Variants in TFAP4 observed in about 807,000 individuals in gnomAD.
TFAP4 encodes activating enhancer-binding protein 4.
A neutral mutation model predicts 40.4 loss-of-function variants in TFAP4; 7 were observed. The ratio of observed to expected loss-of-function variants is 0.17; its 90% CI spans 0.10 to 0.33. TFAP4 has a LOEUF of 0.33. Ranked by LOEUF, TFAP4 falls within the 10% of genes least tolerant of loss-of-function variation. TFAP4 has a pLI of 1.00. For synonymous variants in TFAP4, 218 were observed against 181.4 expected, an observed-to-expected ratio of 1.20 and a Z score of -1.62; for missense variants, 374 against 451.1, an observed-to-expected ratio of 0.83 and a Z score of 1.55.
chr16:4,267,323 C>G (rs1489311346), intron 1 of TFAP4: 1 of 152,382 alleles, frequency 6.6e-6, no homozygotes, highest in Non-Finnish European at 1.5e-5. Context: ...CATGAGCCAC[C>G]ATGCCCAGCC....
intron 1 of TFAP4, among the ~76,000 whole-genome samples, chr16:4,270,750 G>C (rs1250353926): frequency 6.6e-6 from 1 of 152,180 alleles, no homozygotes; most frequent in East Asian, 1.9e-4. Flanking sequence ...CCAAGGCCCA[G>C]GCATGGCAGC....
At chr16:4,261,212 T>A (rs1168242419) in intron 4 of TFAP4, among the ~76,000 whole-genome samples, 1 of 151,842 alleles carries the variant, frequency 6.6e-6, no homozygotes, top group Non-Finnish European at 1.5e-5. Flanking sequence ...GCTCAAGCGA[T>A]CCTCCCACCT....
At chr16:4,259,115 T>C (rs1238560811) in intron 6 of TFAP4, among the ~76,000 whole-genome samples, 1 of 151,814 alleles carries the variant, frequency 6.6e-6, no homozygotes, top group African/African-American at 2.4e-5. Context: ...AAAGAAATAA[T>C]ATGGACCTTT....
intron 4 of TFAP4, among the ~76,000 whole-genome samples, chr16:4,261,014 G>C (rs938992519): frequency 5.9e-5 from 9 of 152,090 alleles, no homozygotes; most frequent in African/African-American, 1.9e-4. Flanking sequence ...TGTCACTCAG[G>C]CTGCAGTGTA....
chr16:4,262,090 G>C (rs2052955035), intron 3 of TFAP4, 141 bp from the exon 4 acceptor site: 1 of 1,008,302 alleles, frequency 9.9e-7, no homozygotes, highest in African/African-American at 1.6e-5. Context: ...CAACAAACCA[G>C]CCAAATGCCA....
chr16:4,268,172 G>C (rs2053012715), intron 1 of TFAP4: 1 of 152,296 alleles, frequency 6.6e-6, no homozygotes, highest in Non-Finnish European at 1.5e-5. Context: ...GCTCATGCCT[G>C]TAATCCCAGC....
chr16:4,266,391 C>T (rs1220352173), intron 1 of TFAP4: 1 of 152,162 alleles, frequency 6.6e-6, no homozygotes, highest in Admixed American at 6.5e-5. Context: ...AATTTCCCCC[C>T]AAAAGGTACA....
chr16:4,259,643 C>CAACT (rs1007081236), intron 6 of TFAP4, among the ~76,000 whole-genome samples: 1 of 152,078 alleles, frequency 6.6e-6, no homozygotes, highest in Non-Finnish European at 1.5e-5. Flanking sequence ...AGGGTGAATG[C>CAACT]AACTGTAACT....
chr16:4,260,176 G>A lies in TFAP4; in HGVS notation c.736C>T (p.His246Tyr). The A allele has an allele frequency of 6.3e-7, 1 of 1,599,330 alleles. No homozygotes were observed. Among genetic ancestry groups the A allele is most frequent in the Non-Finnish European group, 8.5e-7 (1 of 1,175,108 alleles). ...CCCATGGTGACGACATTGATGTGGT[G>A]GGAGGGAGGAGGAGGCGGTGCTGGC... ...IVPAPPPPPS[H>Y]HINVVTMGPS... is the part of the protein sequence containing the mutation. Residue 246 changes from histidine to tyrosine, a missense_variant, in exon 6 of 7, where the codon CAC (histidine) becomes TAC (tyrosine). By Grantham distance (83) the His-to-Tyr change is moderately conservative. Around this residue, in one of 6 missense-constraint regions of TFAP4, gnomAD observed 161 missense variants for 154.2 expected, o/e 1.04. Coordinates refer to ENST00000204517, the MANE Select transcript of TFAP4 (RefSeq NM_003223.3).
In TFAP4 at chr16:4,272,685, T is replaced by G. The variant is rs1443309296; in HGVS notation, c.62A>C (p.Glu21Ala). ...VPSLQHFRKT[E>A]KEVIGGLCSL... ...ACAGAGCCCTCCTATCACTTCTTTC[T>G]CTGTTTTCCTGAAATGTTGCAAAGA... Residue 21 changes from glutamate to alanine, a missense_variant, in exon 1 of 7, where the codon GAG becomes GCG. Coordinates refer to ENST00000204517, the MANE Select transcript of TFAP4 (RefSeq NM_003223.3). 1 of 1,613,156 alleles carries G rather than the reference T, an allele frequency of 6.2e-7. No homozygotes were observed. Among genetic ancestry groups the G allele is most frequent in the African/African-American group, 1.3e-5 (1 of 74,822 alleles).
Position 4,260,595 on chromosome 16 carries a change from C to T in TFAP4, c.526G>A (p.Val176Met), listed in dbSNP as rs776312696. ...TACATGTGGGCCTCCAGCGAGCGCA[C>T]CTGGAGGCAGGACAACCTGGGCTCA... Reference protein sequence around the residue: ...RSVRMMLEEQVRSLEAHMYPE... With the variant: ...RSVRMMLEEQMRSLEAHMYPE... The change falls in exon 5 of 7, where the codon GTG becomes ATG. Residue 176 changes from valine to methionine, a missense_variant and splice_region_variant. Val to Met is a conservative substitution (Grantham distance 21). This residue lies in a region of TFAP4 where 161 missense variants were observed against 154.2 expected (regional missense o/e 1.04). Transcript: ENST00000204517. 6.3e-7 allele frequency: 1 copy of T among 1,595,160 alleles called. No individual in the cohort carries two copies. The highest frequency in any genetic ancestry group is 1.1e-5 in the South Asian group (1 of 88,898).
chr16:4,271,410 C>T (rs74003268), intron 1 of TFAP4, among the ~76,000 whole-genome samples: 2,386 of 152,336 alleles, frequency 0.016, 71 homozygotes, highest in African/African-American at 0.055. Context: ...AGGAAAGGGG[C>T]CACAGGTCCC....
intron 2 of TFAP4, 42 bp from the exon 3 acceptor site, chr16:4,262,464 A>T (rs769956250): frequency 6.2e-7 from 1 of 1,613,750 alleles, no homozygotes; most frequent in Non-Finnish European, 8.5e-7. Context: ...GGCAGTGTTT[A>T]CCAGAGCTCA....
chr16:4,268,697 T>A (rs1368542077), intron 1 of TFAP4, among the ~76,000 whole-genome samples: 1 of 152,112 alleles, frequency 6.6e-6, no homozygotes, highest in African/African-American at 2.4e-5. Context: ...GCCCAGGTCG[T>A]CCTCCTTCCT....
In TFAP4 at chr16:4,269,986, G is replaced by A. The variant is rs1597316105; in HGVS notation, c.89+2672C>T. Among the ~76,000 whole-genome samples, 3 of 152,170 alleles carry A rather than the reference G, an allele frequency of 2.0e-5. 1 individual carries two copies. Among genetic ancestry groups the A allele is most frequent in the Admixed American group, 2.0e-4 (3 of 15,276 alleles). On this transcript the variant is annotated intron_variant, in intron 1 of 6. Transcript: ENST00000204517. Reference sequence around the variant, plus strand: ...ACCTGAGGTCAGGGGTTCGAGACCAGCCTGGCCAACCACTATGGTGAAACC... The same window carrying A: ...ACCTGAGGTCAGGGGTTCGAGACCAACCTGGCCAACCACTATGGTGAAACC...
chr16:4,262,162 T>G (rs1371871295), intron 3 of TFAP4, 162 bp downstream of exon 3: 1 of 955,264 alleles, frequency 1.0e-6, no homozygotes, highest in African/African-American at 1.6e-5. Flanking sequence ...TCCACCGCAC[T>G]TGACCGATGG....
intron 1 of TFAP4, among the ~76,000 whole-genome samples, chr16:4,272,339 G>C (rs990930653): frequency 1.3e-5 from 2 of 152,084 alleles, no homozygotes; most frequent in East Asian, 1.9e-4. Context: ...AGGAAGCGCG[G>C]GGGGGAAGGC....
At chr16:4,267,391 C>T (rs1240831523) in intron 1 of TFAP4, among the ~76,000 whole-genome samples, 1 of 152,202 alleles carries the variant, frequency 6.6e-6, no homozygotes, top group Non-Finnish European at 1.5e-5. Flanking sequence ...CAGGGGCTGC[C>T]CTAGATTTAG....
In TFAP4 at chr16:4,260,462, C is replaced by CCAGGTGA; in HGVS notation, c.658_659insTCACCTG (p.Arg220LeufsTer94). ...CGGGCGCCTCCTGCTCACCTGGGTC[C>CCAGGTGA]GCAGCTGCTGCTGTTCCCGCTCCAG... On this transcript the variant is annotated frameshift_variant, in exon 5 of 7. Transcript: ENST00000204517. LOFTEE classifies it high-confidence loss of function. 6.3e-7 allele frequency: 1 copy of CCAGGTGA among 1,589,948 alleles called. No individual in the cohort carries two copies.
Sources: allele counts gnomAD v4.1 joint callset (sites outside exome capture counted in the v4.1 genomes callset), GRCh38; gene constraint gnomAD v4.1.1; regional missense constraint gnomAD v4.1.1; transcripts MANE v1.5; gene names NCBI Gene and HGNC (gene_info 2026-07-23, HGNC 2026-07-21).